NUDT3: variants seen among roughly 807,000 people sequenced by gnomAD.
The protein encoded by NUDT3 is diphosphoinositol polyphosphate phosphohydrolase 1.
NUDT3 carries 9 observed loss-of-function variants against 23.6 expected under a neutral mutation model. That is an observed-to-expected ratio of 0.38 (90% confidence interval 0.23 to 0.66). The LOEUF is 0.66. Ranked by LOEUF, NUDT3 falls within the 30% of genes least tolerant of loss-of-function variation. The pLI, the probability that NUDT3 is intolerant of heterozygous loss-of-function variation, is 0.52. For missense variants in NUDT3, 172 were observed against 218.5 expected, an observed-to-expected ratio of 0.79 and a Z score of 1.34; for synonymous variants, 86 against 82.6, an observed-to-expected ratio of 1.04 and a Z score of -0.22.
At chr6:34,327,002 C>T (rs761353519) in intron 2 of NUDT3, among the ~76,000 whole-genome samples, 1 of 151,840 alleles carries the variant, frequency 6.6e-6, no homozygotes, top group Non-Finnish European at 1.5e-5. Flanking sequence ...CAGCTGGGCC[C>T]GGGGGGACTA....
At position 34,321,169 on chromosome 6, in the gene NUDT3, G is replaced by A. The variant is rs138631875; in HGVS notation, c.210+20693C>T. Among the ~76,000 whole-genome samples, 212 of 152,206 alleles carry A rather than the reference G, an allele frequency of 1.4e-3. 1 individual carries two copies. Among genetic ancestry groups the A allele is most frequent in the African/African-American group, 4.6e-3 (192 of 41,532 alleles). On this transcript the variant is annotated intron_variant, in intron 2 of 4. Coordinates refer to ENST00000607016, the MANE Select transcript of NUDT3 (RefSeq NM_006703.4). ...TGTGTTGTCTCAGGCCAGGCACGGT[G>A]GCTCACGCATGTGAACCTAGCACTC...
intron 1 of NUDT3, among the ~76,000 whole-genome samples, chr6:34,355,284 A>G (rs1764544694): frequency 6.6e-6 from 1 of 152,062 alleles, no homozygotes; most frequent in African/African-American, 2.4e-5. Flanking sequence ...TGATACGATG[A>G]TATGGTGGTT....
chr6:34,380,197 G>T (rs1194262453), intron 1 of NUDT3, among the ~76,000 whole-genome samples: 1 of 151,836 alleles, frequency 6.6e-6, no homozygotes, highest in Non-Finnish European at 1.5e-5. Context: ...GATTACAGGC[G>T]CCTGCCACCA....
At chr6:34,322,080 T>C (rs1763951007) in intron 2 of NUDT3, among the ~76,000 whole-genome samples, 1 of 152,138 alleles carries the variant, frequency 6.6e-6, no homozygotes, top group Admixed American at 6.5e-5. Context: ...ATATAGAACT[T>C]TTCCTTCACT....
At chr6:34,340,453 CA>C (rs1486499471) in intron 2 of NUDT3, among the ~76,000 whole-genome samples, 13 of 152,174 alleles carry the variant, frequency 8.5e-5, no homozygotes, top group African/African-American at 3.1e-4. Flanking sequence ...AAATGAAGGA[CA>C]AAAGTCCAGG....
chr6:34,382,977 A>C (rs969659076), intron 1 of NUDT3, among the ~76,000 whole-genome samples: 1 of 151,676 alleles, frequency 6.6e-6, no homozygotes, highest in Non-Finnish European at 1.5e-5. Flanking sequence ...AACTGCAAAA[A>C]TTAGCTGGGT....
In NUDT3 at chr6:34,354,394, A is replaced by AACACACACACACACAC. The variant is rs370168110; in HGVS notation, c.100-12438_100-12423dup. ...TGGGCAGTATAGTGAGATTTCATTA[A>AACACACACACACACAC]ACACACACACACACACACACACACA... On this transcript the variant is annotated intron_variant, in intron 1 of 4. Transcript: ENST00000607016. 6.7e-3 allele frequency among the ~76,000 whole-genome samples: 916 copies of AACACACACACACACAC among 137,638 alleles called. 14 individuals carry two copies. The highest frequency in any genetic ancestry group is 0.017 in the African/African-American group (603 of 35,762). The allele number at this position is 137,638 out of a possible 152,430, so 90.3% of individuals were successfully genotyped here. A position where few individuals can be genotyped will look rare whatever the true frequency, so the allele number is the denominator to read the frequency against.
chr6:34,303,734 T>C (rs1422683290), intron 2 of NUDT3, among the ~76,000 whole-genome samples: 1 of 152,224 alleles, frequency 6.6e-6, no homozygotes, highest in Non-Finnish European at 1.5e-5. Context: ...ACTGTTCTTT[T>C]CTAGTTTAAT....
At chr6:34,346,626 G>A (rs1764374889) in intron 1 of NUDT3, among the ~76,000 whole-genome samples, 4 of 152,032 alleles carry the variant, frequency 2.6e-5, no homozygotes, top group Admixed American at 2.6e-4. Context: ...ACAATAATGA[G>A]GCTGAAGGAA....
chr6:34,361,175 C>A (rs1044260355), intron 1 of NUDT3, among the ~76,000 whole-genome samples: 19 of 152,106 alleles, frequency 1.2e-4, no homozygotes, highest in African/African-American at 4.3e-4. Flanking sequence ...GAGCTATGAT[C>A]ACACCACTGG....
chr6:34,372,069 G>A (rs1355562389), intron 1 of NUDT3, among the ~76,000 whole-genome samples: 3 of 151,924 alleles, frequency 2.0e-5, no homozygotes, highest in Non-Finnish European at 4.4e-5. Flanking sequence ...CAAAGGACAT[G>A]AACTCATCAT....
intron 2 of NUDT3, among the ~76,000 whole-genome samples, chr6:34,331,665 C>A (rs141691109): frequency 1.8e-3 from 276 of 152,318 alleles, no homozygotes; most frequent in African/African-American, 6.1e-3. Context: ...CAAATACAGT[C>A]GGCCCTCCGT....
At chr6:34,317,565 C>A (rs115399589) in intron 2 of NUDT3, among the ~76,000 whole-genome samples, 4 of 152,140 alleles carry the variant, frequency 2.6e-5, no homozygotes, top group South Asian at 2.1e-4. Flanking sequence ...TCCCACCCCC[C>A]CAACAGTATT....
intron 2 of NUDT3, among the ~76,000 whole-genome samples, chr6:34,320,245 A>G (rs1488343484): frequency 6.6e-6 from 1 of 151,572 alleles, no homozygotes; most frequent in Non-Finnish European, 1.5e-5. Flanking sequence ...TTTTTTTTGG[A>G]GACGGAGTCT....
chr6:34,299,980 C>T (rs1203178496), intron 2 of NUDT3, among the ~76,000 whole-genome samples: 1 of 151,812 alleles, frequency 6.6e-6, no homozygotes, highest in African/African-American at 2.4e-5. Context: ...ATATCCTGGT[C>T]TCAAGCAATC....
chr6:34,290,949 C>A (rs146678017), intron 4 of NUDT3, among the ~76,000 whole-genome samples: 2,171 of 151,310 alleles, frequency 0.014, 18 homozygotes, highest in Non-Finnish European at 0.021. Context: ...CGCCCACAAC[C>A]ACACCCAGCT....
At chr6:34,350,089 AAAAAAAAAG>A (rs781533318) in intron 1 of NUDT3, among the ~76,000 whole-genome samples, 9 of 148,648 alleles carry the variant, frequency 6.1e-5, no homozygotes, top group Non-Finnish European at 9.0e-5. Context: ...ACTCCGTCTC[AAAAAAAAAG>A]AAAAAAAAGA....
chr6:34,334,107 C>A (rs1205443022), intron 2 of NUDT3, among the ~76,000 whole-genome samples: 1 of 152,236 alleles, frequency 6.6e-6, no homozygotes, highest in Non-Finnish European at 1.5e-5. Context: ...GTGATGCCTG[C>A]CGGTGCACTG....
At chr6:34,295,238 C>T (rs574830969) in intron 3 of NUDT3, among the ~76,000 whole-genome samples, 69 of 151,594 alleles carry the variant, frequency 4.6e-4, no homozygotes, top group African/African-American at 1.6e-3. Flanking sequence ...AAAAACTCAC[C>T]GAGGTTGGGC....
Sources: gnomAD v4.1 joint callset for allele counts (sites outside exome capture counted in the v4.1 genomes callset) on GRCh38, gnomAD v4.1.1 for gene constraint, MANE v1.5 for transcripts, NCBI Gene and HGNC (gene_info 2026-07-23, HGNC 2026-07-21) for gene names.